Variants in TIMELESS observed in about 807,000 individuals in gnomAD.
TIMELESS encodes the protein protein timeless homolog.
TIMELESS carries 124 observed loss-of-function variants against 164.3 expected under a neutral mutation model. That is an observed-to-expected ratio of 0.75 (90% CI 0.65 to 0.88). The LOEUF (loss-of-function observed/expected upper bound fraction) is 0.88, where lower values mean the gene tolerates loss of function less well. TIMELESS is among the 40% of genes least tolerant of loss of function. TIMELESS has a pLI of 0.00. For missense variants in TIMELESS, 1,422 were observed against 1,491.4 expected (o/e 0.95, Z 0.77); for synonymous variants, 564 against 563.4 (o/e 1.00, Z -0.02).
At position 56,421,090 on chromosome 12, in the gene TIMELESS, C is replaced by T. The variant is rs763574955; in HGVS notation, c.2913G>A (p.Leu971=). The change falls in exon 24 of 29, where the codon CTG becomes CTA. Residue 971 remains leucine (L), a synonymous_variant. Transcript: ENST00000553532. ...ESLKDFCQED[L]EEEENLPEED... ...CCTCAGGCAGGTTTTCCTCTTCTTC[C>T]AGATCTTCCTGGCAAAAATCTTTCA... is the stretch of plus-strand genomic sequence containing the variant. 1 of 1,614,124 alleles carries T rather than the reference C, an allele frequency of 6.2e-7. No homozygotes were observed. The highest frequency in any genetic ancestry group is 8.5e-7 in the Non-Finnish European group (1 of 1,180,022).
In TIMELESS at chr12:56,428,283, T is replaced by C. The variant is rs1189971667; in HGVS notation, c.1531A>G (p.Lys511Glu). The change falls in exon 13 of 29, where the codon AAA becomes GAA. Residue 511 changes from lysine to glutamate, a missense_variant. Lys to Glu is a moderately conservative substitution (Grantham distance 56). Coordinates refer to ENST00000553532, the MANE Select transcript of TIMELESS (RefSeq NM_003920.5). ...CTCCGACAGAATCGCTCCAACATTT[T>C]GAGGAAGAGGTGGGTGGTCTCCACC... ...DLVETTHLFL[K>E]MLERFCRSRG... The C allele has an allele frequency of 6.2e-7, 1 of 1,612,368 alleles. No homozygotes were observed. Among genetic ancestry groups the C allele is most frequent in the Admixed American group, 1.7e-5 (1 of 59,894 alleles).
rs760450039 is a variant in TIMELESS at position 56,422,185 on chromosome 12, G to A, written c.2445C>T (p.Ser815=). Residue 815 remains serine (S), a synonymous_variant, in exon 20 of 29, where the codon TCC becomes TCT. Coordinates refer to ENST00000553532, the MANE Select transcript of TIMELESS (RefSeq NM_003920.5). ...EGYGSLDDRS[S]SRRAPTWSPE... ...GGCTCCATGTAGGTGCTCTGCGACTGGAAGACCTGAATGGTGAAAGGAGAA... is the reference window on the plus strand; with the variant it reads ...GGCTCCATGTAGGTGCTCTGCGACTAGAAGACCTGAATGGTGAAAGGAGAA... 7.4e-6 allele frequency: 12 copies of A among 1,613,844 alleles called. No individual in the cohort carries two copies. Among genetic ancestry groups the A allele is most frequent in the Admixed American group, 1.7e-5 (1 of 60,008 alleles).
chr12:56,436,197 T>C (rs1357869043), intron 1 of TIMELESS, among the ~76,000 whole-genome samples: 1 of 152,150 alleles, frequency 6.6e-6, no homozygotes, highest in Non-Finnish European at 1.5e-5. Flanking sequence ...CTCATGCCTG[T>C]TATCTCAGCA....
chr12:56,442,592 C>T (rs1025322135), intron 1 of TIMELESS, among the ~76,000 whole-genome samples: 5 of 152,152 alleles, frequency 3.3e-5, no homozygotes, highest in African/African-American at 1.2e-4. Flanking sequence ...TATCTCTTTT[C>T]CTTTCAGTGC....
Position 56,423,864 on chromosome 12 carries a change from G to A in TIMELESS, c.1899C>T (p.Gly633=). The change falls in exon 16 of 29, where the codon GGC becomes GGT. Residue 633 remains glycine, a synonymous_variant. Transcript: ENST00000553532. ...CTTCCTCTGGAGAAATGTCTTGAGA[G>A]CCAAACACATCTCCTTCAGGCCACA... ...REVWPEGDVF[G]SQDISPEEEI... 1 of 1,614,188 alleles carries A rather than the reference G, an allele frequency of 6.2e-7. No homozygotes were observed. Among genetic ancestry groups the A allele is most frequent in the Non-Finnish European group, 8.5e-7 (1 of 1,180,038 alleles).
At chr12:56,437,197 G>A (rs533257501) in intron 1 of TIMELESS, among the ~76,000 whole-genome samples, 1 of 152,236 alleles carries the variant, frequency 6.6e-6, no homozygotes, top group South Asian at 2.1e-4. Flanking sequence ...CCAAAGTGCT[G>A]GGATTACATG....
chr12:56,430,035 C>G, intron 10 of TIMELESS, 70 bp downstream of exon 10: 2 of 1,488,590 alleles, frequency 1.3e-6, no homozygotes, highest in Middle Eastern at 1.8e-4. Context: ...CACTTCTTAC[C>G]CACCAACAGC....
intron 10 of TIMELESS, among the ~76,000 whole-genome samples, chr12:56,429,717 A>G (rs1881808516): frequency 7.0e-6 from 1 of 142,404 alleles, no homozygotes; most frequent in African/African-American, 2.7e-5. Context: ...CGGTTTCACC[A>G]TATTGGCCAG....
intron 18 of TIMELESS, 86 bp from the exon 19 acceptor site, chr12:56,423,078 TCC>T: frequency 6.7e-7 from 1 of 1,498,226 alleles, no homozygotes; most frequent in Admixed American, 2.0e-5. Flanking sequence ...CTATAGCTGT[TCC>T]CAGCTGCCCC....
chr12:56,433,523 A>G lies in TIMELESS; in HGVS notation c.366+15T>C, dbSNP rs1881965710. 6.2e-7 allele frequency: 1 copy of G among 1,614,150 alleles called. No individual in the cohort carries two copies. Among genetic ancestry groups the G allele is most frequent in the Non-Finnish European group, 8.5e-7 (1 of 1,179,970 alleles). ...CCCCATATTCCACCCCAGGGACTCCAAAGGAAATCCTCACCTCTTTGTAGG... is the reference window on the plus strand; with the variant it reads ...CCCCATATTCCACCCCAGGGACTCCGAAGGAAATCCTCACCTCTTTGTAGG... On this transcript the variant is annotated intron_variant, in intron 4 of 28. Transcript: ENST00000553532.
chr12:56,432,300 A>G, intron 7 of TIMELESS, 69 bp downstream of exon 7: 1 of 1,532,160 alleles, frequency 6.5e-7, no homozygotes, highest in Non-Finnish European at 8.9e-7. Context: ...TTATCACAAG[A>G]GCAATTCTGG....
chr12:56,417,992 A>G lies in TIMELESS; in HGVS notation c.3471T>C (p.Gly1157=). 1 of 1,614,084 alleles carries G rather than the reference A, an allele frequency of 6.2e-7. No homozygotes were observed. Among genetic ancestry groups the G allele is most frequent in the Non-Finnish European group, 8.5e-7 (1 of 1,180,018 alleles). ...TGGGTGCTGCCTTCAGCGGCTCTTT[A>G]CCAACAGCGTCTTCCTCTGCAATGA... ...LASPEEEDAV[G]KEPLKAAPKK... Residue 1157 remains glycine, a synonymous_variant, in exon 28 of 29, where the codon GGT becomes GGC. Transcript: ENST00000553532.
At chr12:56,418,443 ATATTGGTGAAGAT>A in intron 26 of TIMELESS, 84 bp from the exon 27 acceptor site, 2 of 965,804 alleles carry the variant, frequency 2.1e-6, no homozygotes, top group South Asian at 3.2e-5. Context: ...ATATGACCCA[ATATTGGTGAAGAT>A]CCACAAGGGT....
At chr12:56,431,092 G>A (rs1425398559) in intron 8 of TIMELESS, 124 bp from the exon 9 acceptor site, 2 of 611,368 alleles carry the variant, frequency 3.3e-6, no homozygotes, top group South Asian at 2.3e-5. Flanking sequence ...GGTGGCTCAC[G>A]CCTATAATCC....
intron 1 of TIMELESS, among the ~76,000 whole-genome samples, chr12:56,435,308 T>C (rs7302060): frequency 0.34 from 51,830 of 151,484 alleles, 10,578 homozygotes; most frequent in East Asian, 0.65. Flanking sequence ...ATGGAGTGAA[T>C]AGAAACTGGT....
intron 1 of TIMELESS, among the ~76,000 whole-genome samples, chr12:56,435,559 T>A (rs1333835414): frequency 6.6e-6 from 1 of 152,134 alleles, no homozygotes; most frequent in Non-Finnish European, 1.5e-5. Context: ...TGCGGTGGCA[T>A]CCCAGCACTT....
At position 56,423,475 on chromosome 12, in the gene TIMELESS, G is replaced by C. The variant is rs111445856; in HGVS notation, c.2091C>G (p.Arg697=). The part of the protein sequence containing the change: ...KEFNFLDYLK[R]FACSTVVRAY... ...CTCGAACGACAGTTGAACATGCAAA[G>C]CTGCACCAAAACAAGGAGGGAGAGG... Residue 697 remains arginine (R), a splice_region_variant and synonymous_variant, in exon 18 of 29, where the codon CGC becomes CGG. Coordinates refer to ENST00000553532, the MANE Select transcript of TIMELESS (RefSeq NM_003920.5). The C allele has an allele frequency of 1.1e-3, 1,718 of 1,614,092 alleles. 6 individuals are homozygous for C. In the African/African-American group the frequency reaches 0.012, roughly 11 times the overall value.
chr12:56,425,002 T>G lies in TIMELESS; in HGVS notation c.1716+13A>C. The G allele has an allele frequency of 1.2e-6, 2 of 1,614,168 alleles. No individual in the cohort carries two copies. Among genetic ancestry groups the G allele is most frequent in the Non-Finnish European group, 1.7e-6 (2 of 1,180,016 alleles). ...CTATTCTCAAAAAAGACAGGGTTTC[T>G]GTAACCACCTACCTGGGCACAGCAC... On this transcript the variant is annotated intron_variant, in intron 14 of 28. Coordinates refer to ENST00000553532, the MANE Select transcript of TIMELESS (RefSeq NM_003920.5).
chr12:56,433,824 G>A lies in TIMELESS; in HGVS notation c.200C>T (p.Pro67Leu). 1.2e-6 allele frequency: 2 copies of A among 1,614,134 alleles called. No individual in the cohort carries two copies. Among genetic ancestry groups the A allele is most frequent in the Non-Finnish European group, 1.7e-6 (2 of 1,180,046 alleles). ...AAQILQSDLLPILTQHHQDKP... is the reference protein window; with the variant it reads ...AAQILQSDLLLILTQHHQDKP... ...GTCCTGGTGGTGCTGGGTGAGGATGGGCAGAAGGTCGCTCTGTAGGATCTG... is the reference window on the plus strand; with the variant it reads ...GTCCTGGTGGTGCTGGGTGAGGATGAGCAGAAGGTCGCTCTGTAGGATCTG... Residue 67 changes from proline (P) to leucine (L), a missense_variant, in exon 3 of 29, where the codon CCC (proline) becomes CTC (leucine). Coordinates refer to ENST00000553532, the MANE Select transcript of TIMELESS (RefSeq NM_003920.5).
Sources: allele counts gnomAD v4.1 joint callset (sites outside exome capture counted in the v4.1 genomes callset), GRCh38; gene constraint gnomAD v4.1.1; transcripts MANE v1.5; gene names NCBI Gene and HGNC (gene_info 2026-07-23, HGNC 2026-07-21).